The following ZNF814 variants were observed in gnomAD, a reference collection of about 807,000 sequenced individuals.
ZNF814 encodes zinc finger protein 814.
Under a neutral mutation model 7.5 loss-of-function variants are expected in ZNF814, and 5 were observed. The observed-to-expected ratio is 0.67, with a 90% confidence interval of 0.35 to 1.40. The LOEUF (loss-of-function observed/expected upper bound fraction) is 1.40, where lower values mean the gene tolerates loss of function less well. ZNF814 is among the 40% of genes most tolerant of loss of function. The pLI is 0.04. For synonymous variants in ZNF814, 315 were observed against 340.7 expected (o/e 0.92, Z 0.83); for missense variants, 962 against 1,018.0 (o/e 0.94, Z 0.75).
chr19:57,876,776 C>A (rs2071610220), intron 2 of ZNF814, 140 bp downstream of exon 2: 15 of 1,430,288 alleles, frequency 1.0e-5, no homozygotes, highest in Non-Finnish European at 1.4e-5. Flanking sequence ...ACACCTCAGA[C>A]CTACCAACCA....
chr19:57,898,692 C>A, the ZNF814 span, among the ~76,000 whole-genome samples: 1 of 152,088 alleles, frequency 6.6e-6, no homozygotes, highest in East Asian at 1.9e-4. Flanking sequence ...GCCTGTAATC[C>A]CAGAACTTGG....
At chr19:57,903,606 A>G in the ZNF814 span, among the ~76,000 whole-genome samples, 55 of 152,346 alleles carry the variant, frequency 3.6e-4, no homozygotes, top group African/African-American at 1.3e-3. Flanking sequence ...GAAGCCTCTC[A>G]GGCTCACTTA....
the ZNF814 span, among the ~76,000 whole-genome samples, chr19:57,905,047 C>CA: frequency 0.055 from 2,897 of 53,038 alleles, 108 homozygotes; most frequent in Non-Finnish European, 0.058. Context: ...AACTCCGTCT[C>CA]AAAAAAAAAA....
At chr19:57,884,450 A>C (rs1279193507) in intron 1 of ZNF814, among the ~76,000 whole-genome samples, 1 of 152,104 alleles carries the variant, frequency 6.6e-6, no homozygotes, top group Non-Finnish European at 1.5e-5. Context: ...CCATCTCTAC[A>C]AAAAAGTTTA....
chr19:57,888,678 G>A (rs1340595011), intron 1 of ZNF814, 89 bp downstream of exon 1: 10 of 1,496,858 alleles, frequency 6.7e-6, no homozygotes, highest in Non-Finnish European at 9.1e-6. Context: ...GCCGGCGTCC[G>A]GGCTGCAGAG....
Position 57,875,185 on chromosome 19 carries a change from G to T in ZNF814, c.205C>A (p.Gln69Lys). 3 of 1,531,194 alleles carry T rather than the reference G, an allele frequency of 2.0e-6. No homozygotes were observed. The highest frequency in any genetic ancestry group is 2.6e-6 in the Non-Finnish European group (3 of 1,140,496). The allele number at this position is 1,531,194 out of a possible 1,614,324, so 94.9% of individuals were successfully genotyped here. A position where few individuals can be genotyped will look rare whatever the true frequency, so the allele number is the denominator to read the frequency against. ...GVEDEAAPSK[Q>K]SIYIQRETQV... is the part of the protein sequence containing the mutation. ...GTCTCTCTTTGTATATAAATACTCT[G>T]CTTAGAAGGTGCCGCCTCATCTTCC... Residue 69 changes from glutamine (Q) to lysine (K), a missense_variant, in exon 3 of 3, where the codon CAG becomes AAG. By Grantham distance (53) the Gln-to-Lys change is moderately conservative. Transcript: ENST00000435989.
upstream of ZNF814, among the ~76,000 whole-genome samples, chr19:57,892,607 G>A (rs1483221264): frequency 2.0e-5 from 3 of 152,192 alleles, no homozygotes; most frequent in Non-Finnish European, 4.4e-5. Flanking sequence ...ACAGGACTAG[G>A]AATGTACAGG....
chr19:57,884,256 A>T (rs1251236071), intron 1 of ZNF814, among the ~76,000 whole-genome samples: 1 of 152,206 alleles, frequency 6.6e-6, no homozygotes, highest in Non-Finnish European at 1.5e-5. Flanking sequence ...TATAGAGTTC[A>T]AACAACTCTA....
In ZNF814 at chr19:57,871,979, C is replaced by CAT. The variant is rs1312239711; in HGVS notation, c.*841_*842dup. Among the ~76,000 whole-genome samples the CAT allele has an allele frequency of 4.6e-5, 7 of 151,972 alleles. No homozygotes were observed. The highest frequency in any genetic ancestry group is 1.7e-4 in the African/African-American group (7 of 41,358). On this transcript the variant is annotated 3_prime_UTR_variant, in exon 3 of 3. Coordinates refer to ENST00000435989, the MANE Select transcript of ZNF814 (RefSeq NM_001144989.2). ...AAAAAATTAGTGGAGCATGGTAGTG[C>CAT]ATGCCTGTGGTTTCAGCTACTCAGG...
upstream of ZNF814, among the ~76,000 whole-genome samples, chr19:57,889,359 C>T (rs2071719807): frequency 6.6e-6 from 1 of 152,088 alleles, no homozygotes; most frequent in African/African-American, 2.4e-5. Context: ...GCCTGAGCAA[C>T]AAAGCAAAAT....
chr19:57,884,037 G>A (rs1188260769), intron 1 of ZNF814, among the ~76,000 whole-genome samples: 3 of 152,232 alleles, frequency 2.0e-5, no homozygotes, highest in Non-Finnish European at 4.4e-5. Context: ...GATTATAGGC[G>A]TGAGTCACCG....
chr19:57,878,166 C>CAA (rs60614715), intron 1 of ZNF814, among the ~76,000 whole-genome samples: 81 of 88,344 alleles, frequency 9.2e-4, no homozygotes, highest in African/African-American at 2.5e-3. Flanking sequence ...AACTCTGTCT[C>CAA]AAAAAAAAAA....
Position 57,873,501 on chromosome 19 carries a change from C to T in ZNF814, c.1889G>A (p.Arg630Lys). ...VHHQRMHTGE[R>K]PYKCGDCGKS... The stretch of plus-strand genomic sequence containing the variant: ...CCCACAGTCTCCACACTTGTAAGGT[C>T]TTTCTCCAGTGTGCATGCGCTGATG... Residue 630 changes from arginine to lysine, a missense_variant, in exon 3 of 3, where the codon AGA (arginine) becomes AAA (lysine). Arg to Lys is a conservative substitution (Grantham distance 26, BLOSUM62 2). Coordinates refer to ENST00000435989, the MANE Select transcript of ZNF814 (RefSeq NM_001144989.2). 3 of 1,614,106 alleles carry T rather than the reference C, an allele frequency of 1.9e-6. No homozygotes were observed. Among genetic ancestry groups the T allele is most frequent in the Non-Finnish European group, 2.5e-6 (3 of 1,180,018 alleles).
upstream of ZNF814, among the ~76,000 whole-genome samples, chr19:57,890,152 T>C (rs1411609805): frequency 6.6e-6 from 1 of 152,198 alleles, no homozygotes; most frequent in Non-Finnish European, 1.5e-5. Context: ...TATTGTATTG[T>C]TAAAATGAAC....
chr19:57,877,955 C>T (rs747331157), intron 1 of ZNF814, among the ~76,000 whole-genome samples: 1 of 151,824 alleles, frequency 6.6e-6, no homozygotes, highest in African/African-American at 2.4e-5. Flanking sequence ...GCCTGAGGTC[C>T]GGAGTTTCAG....
chr19:57,870,339 G>A lies in ZNF814; in HGVS notation c.*2483C>T, dbSNP rs2071547042. On this transcript the variant is annotated 3_prime_UTR_variant, in exon 3 of 3. Transcript: ENST00000435989. ...AAAACAGGTTTGGCAACTCTATACT[G>A]ACTACACCAATTCTTCTCATGCCCT... is the stretch of plus-strand genomic sequence containing the variant. 4 of 152,144 alleles carry A rather than the reference G, an allele frequency of 2.6e-5. No homozygotes were observed. The South Asian group carries it at 8.3e-4, about 32-fold the overall frequency. 9.4% of individuals were successfully genotyped at this position (152,144 alleles called of 1,614,324 possible).
At position 57,875,144 on chromosome 19, in the gene ZNF814, A is replaced by G. The variant is rs758911670; in HGVS notation, c.246T>C (p.Pro82=). The change falls in exon 3 of 3, where the codon CCT becomes CCC. Residue 82 remains proline (P), a synonymous_variant. Transcript: ENST00000435989. ...CCTTCTTGGGAGACACACCTGCCATAGGAGTCCTGACCTGAGTCTCTCTTT... is the reference window on the plus strand; with the variant it reads ...CCTTCTTGGGAGACACACCTGCCATGGGAGTCCTGACCTGAGTCTCTCTTT... The part of the protein sequence containing the change: ...YIQRETQVRT[P]MAGVSPKKAH... 12 of 1,557,292 alleles carry G rather than the reference A, an allele frequency of 7.7e-6. No individual in the cohort carries two copies. The highest frequency in any genetic ancestry group is 8.7e-6 in the Non-Finnish European group (10 of 1,149,484).
chr19:57,902,881 G>A, the ZNF814 span, among the ~76,000 whole-genome samples: 306 of 151,802 alleles, frequency 2.0e-3, 1 homozygote, highest in African/African-American at 6.3e-3. Flanking sequence ...GAGTTTCACC[G>A]TGTTAGCCAG....
rs1021319375 is a variant in ZNF814 at position 57,871,381 on chromosome 19, G to A, written c.*1441C>T. ...CAGCTATGCAAAGCAGTCCACAAGT[G>A]GAGAAAGCTACATTCTGCATTCATA... On this transcript the variant is annotated 3_prime_UTR_variant, in exon 3 of 3. Coordinates refer to ENST00000435989, the MANE Select transcript of ZNF814 (RefSeq NM_001144989.2). The A allele has an allele frequency of 7.9e-5, 12 of 152,114 alleles. No homozygotes were observed. The highest frequency in any genetic ancestry group is 2.9e-4 in the African/African-American group (12 of 41,410). The allele number at this position is 152,114 out of a possible 1,614,324, so 9.4% of individuals were successfully genotyped here. A position where few individuals can be genotyped will look rare whatever the true frequency, so the allele number is the denominator to read the frequency against.
Sources: gnomAD v4.1 joint callset for allele counts (sites outside exome capture counted in the v4.1 genomes callset) on GRCh38, gnomAD v4.1.1 for gene constraint, MANE v1.5 for transcripts, NCBI Gene and HGNC (gene_info 2026-07-23, HGNC 2026-07-21) for gene names.